Variants in KIF3C observed in about 807,000 individuals in gnomAD.
KIF3C encodes the protein kinesin family member 3C, also known as kinesin-like protein KIF3C.
KIF3C carries 12 observed loss-of-function variants against 67.7 expected under a neutral mutation model. The observed-to-expected ratio is 0.18, with a 90% CI of 0.11 to 0.29. The LOEUF (loss-of-function observed/expected upper bound fraction) is 0.29. Ranked by LOEUF, KIF3C falls within the 10% of genes least tolerant of loss-of-function variation. The pLI is 1.00. For missense variants in KIF3C, 789 were observed against 1,059.6 expected (o/e 0.74, Z 3.55); for synonymous variants, 393 against 426.2 (o/e 0.92, Z 0.96).
intron 5 of KIF3C, among the ~76,000 whole-genome samples, chr2:25,932,100 C>G (rs1220759916): frequency 6.7e-6 from 1 of 148,684 alleles, no homozygotes; most frequent in Admixed American, 6.8e-5. Context: ...CCCCCTGGTT[C>G]AAGCGATTCT....
chr2:25,978,592 T>C (rs1236966348), intron 1 of KIF3C, among the ~76,000 whole-genome samples: 2 of 152,110 alleles, frequency 1.3e-5, no homozygotes, highest in Non-Finnish European at 2.9e-5. Flanking sequence ...TCTTGGCCGT[T>C]CTATCATCTG....
At chr2:25,978,902 G>A (rs923706293) in intron 1 of KIF3C, among the ~76,000 whole-genome samples, 6 of 152,174 alleles carry the variant, frequency 3.9e-5, no homozygotes, top group African/African-American at 1.4e-4. Flanking sequence ...CCAGGCCCCT[G>A]ATCCTTTCCT....
rs375213582 is a variant in KIF3C, at chr2:25,953,666, G to C, written c.1889+601C>G. Among the ~76,000 whole-genome samples the C allele has an allele frequency of 1.4e-4, 13 of 94,522 alleles. No homozygotes were observed. The East Asian group carries it at 4.1e-3, about 30-fold the overall frequency. 62.0% of individuals were successfully genotyped at this position (94,522 alleles called of 152,430 possible). On this transcript the variant is annotated intron_variant, in intron 4 of 7. Coordinates refer to ENST00000264712, the MANE Select transcript of KIF3C (RefSeq NM_002254.8). ...TGAGCCACTGCGCCCGGCCTTTTTT[G>C]TTTTTGTTTTTTTTTTTTTTTTGAG...
rs1450948134 is a variant in KIF3C at position 25,928,137 on chromosome 2, G to T, written c.*841C>A. 1 of 152,370 alleles carries T rather than the reference G, an allele frequency of 6.6e-6. No individual in the cohort carries two copies. The highest frequency in any genetic ancestry group is 1.9e-4 in the East Asian group (1 of 5,194). 9.4% of individuals were successfully genotyped at this position (152,370 alleles called of 1,614,324 possible). ...CAGGCAGGAGCAGCCTCTTGAAAAT[G>T]GGGAGTTGCCTTGAGAGCCTGTCGA... On this transcript the variant is annotated 3_prime_UTR_variant, in exon 8 of 8. Coordinates refer to ENST00000264712, the MANE Select transcript of KIF3C (RefSeq NM_002254.8).
intron 7 of KIF3C, 110 bp from the exon 8 acceptor site, chr2:25,929,181 C>T (rs1043138101): frequency 2.9e-6 from 4 of 1,379,498 alleles, no homozygotes; most frequent in Non-Finnish European, 4.1e-6. Flanking sequence ...CTTCTGACAT[C>T]CCCAGTCACC....
At chr2:25,956,583 C>G (rs1330895001) in intron 1 of KIF3C, 139 bp from the exon 2 acceptor site, 15 of 656,492 alleles carry the variant, frequency 2.3e-5, no homozygotes, top group Admixed American at 7.2e-5. Flanking sequence ...TTGTGGCTTT[C>G]AGGGAGAATG....
chr2:25,963,263 T>C (rs1664054304), intron 1 of KIF3C, among the ~76,000 whole-genome samples: 1 of 129,962 alleles, frequency 7.7e-6, no homozygotes, highest in South Asian at 2.4e-4. Flanking sequence ...TGGAGTGCAG[T>C]GGTGCACTCT....
chr2:25,942,485 A>G (rs529272626), intron 5 of KIF3C, among the ~76,000 whole-genome samples: 7 of 151,134 alleles, frequency 4.6e-5, no homozygotes, highest in Admixed American at 1.3e-4. Context: ...ATCTTGCCTC[A>G]CTGCAACCTC....
At chr2:25,977,574 G>T (rs928333917) in intron 1 of KIF3C, among the ~76,000 whole-genome samples, 4 of 152,202 alleles carry the variant, frequency 2.6e-5, no homozygotes, top group Admixed American at 1.3e-4. Flanking sequence ...CAACAAAGAT[G>T]TCTGTCCTGG....
At chr2:25,963,004 A>AAT (rs1359454837) in intron 1 of KIF3C, among the ~76,000 whole-genome samples, 15 of 45,996 alleles carry the variant, frequency 3.3e-4, no homozygotes, top group South Asian at 9.8e-4. Context: ...TATAATATAT[A>AAT]ATATATAATA....
At position 25,955,603 on chromosome 2, in the gene KIF3C, G is replaced by A; in HGVS notation, c.1708C>T (p.Leu570Phe). Residue 570 changes from leucine (L) to phenylalanine (F), a missense_variant, in exon 3 of 8, where the codon CTC (leucine) becomes TTC (phenylalanine). Leu to Phe is a conservative substitution (Grantham distance 22). Transcript: ENST00000264712. This position sits in a 1 kb window ranked among gnomAD's most constrained non-coding sequence, Gnocchi z 5.0. Reference sequence around the variant, plus strand: ...TGCAGGGATGTGTAGGTGCCCCGGAGCTCCATAGTCTCCTCGTCCCGGAGC... The same window carrying A: ...TGCAGGGATGTGTAGGTGCCCCGGAACTCCATAGTCTCCTCGTCCCGGAGC... ...MMLRDEETME[L>F]RGTYTSLQQE... 1 of 1,614,058 alleles carries A rather than the reference G, an allele frequency of 6.2e-7. No homozygotes were observed. Among genetic ancestry groups the A allele is most frequent in the Non-Finnish European group, 8.5e-7 (1 of 1,179,970 alleles).
intron 1 of KIF3C, among the ~76,000 whole-genome samples, chr2:25,964,041 C>T (rs1210447631): frequency 6.6e-6 from 1 of 152,106 alleles, no homozygotes; most frequent in African/African-American, 2.4e-5. Flanking sequence ...GGCACAGTGG[C>T]TCATACCTGT....
intron 5 of KIF3C, among the ~76,000 whole-genome samples, chr2:25,946,329 C>T (rs1663431835): frequency 6.6e-6 from 1 of 151,188 alleles, no homozygotes; most frequent in Non-Finnish European, 1.5e-5. Context: ...CCAAGGTGGG[C>T]GGATCACTTG....
chr2:25,952,557 ATATATAT>A (rs1314194069), intron 4 of KIF3C, among the ~76,000 whole-genome samples: 1 of 125,676 alleles, frequency 8.0e-6, no homozygotes, highest in African/African-American at 3.0e-5. Flanking sequence ...GTGTATATAT[ATATATAT>A]TTTTTTTTTT....
intron 1 of KIF3C, among the ~76,000 whole-genome samples, chr2:25,978,386 G>T (rs1225685933): frequency 6.6e-6 from 1 of 152,174 alleles, no homozygotes; most frequent in Non-Finnish European, 1.5e-5. Flanking sequence ...AAGTAGCACA[G>T]GTAACATTAG....
In KIF3C at chr2:25,951,027, C is replaced by T. The variant is rs112986335; in HGVS notation, c.2006+762G>A. 1.6e-3 allele frequency among the ~76,000 whole-genome samples: 248 copies of T among 152,212 alleles called. 2 individuals carry two copies. Among genetic ancestry groups the T allele is most frequent in the African/African-American group, 5.7e-3 (237 of 41,534 alleles). On this transcript the variant is annotated intron_variant, in intron 5 of 7. Transcript: ENST00000264712. Reference sequence around the variant, plus strand: ...CATCCCAGATTTAGGGAGACTCTTGCCCTATTTTAACATTAATATTCTAGA... The same window carrying T: ...CATCCCAGATTTAGGGAGACTCTTGTCCTATTTTAACATTAATATTCTAGA...
intron 1 of KIF3C, among the ~76,000 whole-genome samples, chr2:25,977,010 T>C (rs1026063051): frequency 4.6e-5 from 7 of 152,004 alleles, no homozygotes; most frequent in Non-Finnish European, 7.4e-5. Flanking sequence ...GTTATCAAGC[T>C]CCCACCAGCA....
At chr2:25,938,856 C>T (rs995291459) in intron 5 of KIF3C, among the ~76,000 whole-genome samples, 1 of 152,080 alleles carries the variant, frequency 6.6e-6, no homozygotes, top group Non-Finnish European at 1.5e-5. Context: ...TCCTAGGACC[C>T]TCCCTCCGTA....
chr2:25,959,311 TC>T (rs1663887022), intron 1 of KIF3C, among the ~76,000 whole-genome samples: 1 of 152,074 alleles, frequency 6.6e-6, no homozygotes, highest in Admixed American at 6.6e-5. Context: ...TTACATGCTG[TC>T]CCCCCTGTGA....
Sources: allele counts gnomAD v4.1 joint callset (sites outside exome capture counted in the v4.1 genomes callset), GRCh38; gene constraint gnomAD v4.1.1; non-coding constraint Gnocchi (gnomAD v3.1); transcripts MANE v1.5; gene names NCBI Gene and HGNC (gene_info 2026-07-23, HGNC 2026-07-21).